Variants in PI15 observed in about 807,000 individuals in gnomAD.
PI15 encodes 25 kDa trypsin inhibitor.
PI15 carries 18 observed loss-of-function variants against 31.0 expected under a neutral mutation model. The ratio of observed to expected loss-of-function variants is 0.58; its 90% CI spans 0.40 to 0.86. The LOEUF (loss-of-function observed/expected upper bound fraction) is 0.86, where lower values mean the gene tolerates loss of function less well. Among genes scored for constraint, PI15 ranks in the 40% least tolerant of loss-of-function variants. The pLI, the probability that PI15 is intolerant of heterozygous loss-of-function variation, is 0.00. For missense variants in PI15, 282 were observed against 328.1 expected (o/e 0.86, Z 1.09); for synonymous variants, 118 against 119.1 (o/e 0.99, Z 0.06).
In PI15 at chr8:74,852,683, T is replaced by C. The variant is rs566627241; in HGVS notation, c.*3430T>C. 3.4e-4 allele frequency: 52 copies of C among 152,260 alleles called. No individual in the cohort carries two copies. Among genetic ancestry groups the C allele is most frequent in the African/African-American group, 1.1e-3 (44 of 41,584 alleles). The allele number at this position is 152,260 out of a possible 1,614,324, so 9.4% of individuals were successfully genotyped here. A position where few individuals can be genotyped will look rare whatever the true frequency, so the allele number is the denominator to read the frequency against. ...AACAATAGAAATTTTTCTCATAATATATACCTATGTGAAACCAACTTATCT... is the reference window on the plus strand; with the variant it reads ...AACAATAGAAATTTTTCTCATAATACATACCTATGTGAAACCAACTTATCT... On this transcript the variant is annotated 3_prime_UTR_variant, in exon 6 of 6. Coordinates refer to ENST00000260113, the MANE Select transcript of PI15 (RefSeq NM_015886.5).
At chr8:74,838,330 A>AT (rs1328950358) in intron 2 of PI15, among the ~76,000 whole-genome samples, 1 of 152,090 alleles carries the variant, frequency 6.6e-6, no homozygotes, top group Non-Finnish European at 1.5e-5. Flanking sequence ...GTAATAGGGC[A>AT]TTTTTGTAAC....
chr8:74,845,292 C>T (rs1811009631), intron 4 of PI15, 32 bp downstream of exon 4: 1 of 1,606,472 alleles, frequency 6.2e-7, no homozygotes, highest in Non-Finnish European at 8.5e-7. Flanking sequence ...ATTTTTGATT[C>T]ATACTTTTAA....
intron 2 of PI15, among the ~76,000 whole-genome samples, chr8:74,833,173 T>C (rs1810812544): frequency 6.6e-6 from 1 of 152,098 alleles, no homozygotes; most frequent in African/African-American, 2.4e-5. Flanking sequence ...TGAAAACAAT[T>C]AAACACATGT....
Position 74,845,252 on chromosome 8 carries a change from T to C in PI15, c.517T>C (p.Tyr173His), listed in dbSNP as rs773153359. The C allele has an allele frequency of 6.2e-7, 1 of 1,613,640 alleles. No homozygotes were observed. The highest frequency in any genetic ancestry group is 8.5e-7 in the Non-Finnish European group (1 of 1,179,512). ...ATGTTTTGGTCCCATGTGCACACAT[T>C]ATACGCAGGTTATTTCAATTACCTT... ...MRCFGPMCTH[Y>H]TQMVWATSNR... Residue 173 changes from tyrosine to histidine, a missense_variant, in exon 4 of 6, where the codon TAT becomes CAT. Tyr to His is a moderately conservative substitution (Grantham distance 83). Coordinates refer to ENST00000260113, the MANE Select transcript of PI15 (RefSeq NM_015886.5).
chr8:74,838,112 A>G lies in PI15; in HGVS notation c.274-5869A>G, dbSNP rs1333595789. 2.0e-5 allele frequency among the ~76,000 whole-genome samples: 3 copies of G among 152,022 alleles called. No homozygotes were observed. The East Asian group carries it at 5.8e-4, about 29-fold the overall frequency. On this transcript the variant is annotated intron_variant, in intron 2 of 5. Transcript: ENST00000260113. Reference sequence around the variant, plus strand: ...TTTGATTTTCTTGTTTAGTATTTCAATTGATTTATTGATAATAATACTTTC... The same window carrying G: ...TTTGATTTTCTTGTTTAGTATTTCAGTTGATTTATTGATAATAATACTTTC...
intron 2 of PI15, among the ~76,000 whole-genome samples, chr8:74,842,879 C>T (rs1360259189): frequency 6.6e-6 from 1 of 152,054 alleles, no homozygotes; most frequent in Non-Finnish European, 1.5e-5. Context: ...TTAATTGAAC[C>T]ATGAAGTACT....
At chr8:74,837,097 A>G (rs1810883232) in intron 2 of PI15, among the ~76,000 whole-genome samples, 1 of 152,184 alleles carries the variant, frequency 6.6e-6, no homozygotes, top group South Asian at 2.1e-4. Context: ...AATTTACATG[A>G]AAGATAATAC....
Position 74,845,429 on chromosome 8 carries a change from C to A in PI15, c.573C>A (p.Cys191Ter). The A allele has an allele frequency of 6.2e-7, 1 of 1,613,992 alleles. No homozygotes were observed. The highest frequency in any genetic ancestry group is 8.5e-7 in the Non-Finnish European group (1 of 1,179,940). The change falls in exon 5 of 6, where the codon TGC becomes TGA. Residue 191 changes from cysteine to a stop codon, truncating the protein, a stop_gained. Transcript: ENST00000260113. LOFTEE classifies it high-confidence loss of function. ...GGATAGGATGCGCAATTCATACTTGCCAAAACATGAATGTTTGGGGATCTG... is the reference window on the plus strand; with the variant it reads ...GGATAGGATGCGCAATTCATACTTGACAAAACATGAATGTTTGGGGATCTG... ...SNRIGCAIHTCQNMNVWGSVW... is the reference protein window; with the variant it reads ...SNRIGCAIHT
In PI15 at chr8:74,843,974, C is replaced by T. The variant is rs147070878; in HGVS notation, c.274-7C>T. 3,508 of 1,417,406 alleles carry T rather than the reference C, an allele frequency of 2.5e-3. 8 individuals are homozygous for T. Among genetic ancestry groups the T allele is most frequent in the Non-Finnish European group, 3.2e-3 (3,171 of 1,000,646 alleles). The allele number at this position is 1,417,406 out of a possible 1,614,324, so 87.8% of individuals were successfully genotyped here. ...TCCGTAACGCTGAAGATTTTTTTCC[C>T]CTACAGGTTTGGGATGAAAATCTTG... On this transcript the variant is annotated splice_region_variant and splice_polypyrimidine_tract_variant and intron_variant, in intron 2 of 5. Coordinates refer to ENST00000260113, the MANE Select transcript of PI15 (RefSeq NM_015886.5).
intron 5 of PI15, among the ~76,000 whole-genome samples, chr8:74,848,732 T>TATAGAG (rs1191072583): frequency 8.3e-4 from 113 of 136,348 alleles, no homozygotes; most frequent in African/African-American, 2.9e-3. Flanking sequence ...TATATATATA[T>TATAGAG]AGAGAGAGAG....
chr8:74,849,059 T>C (rs982637330), intron 5 of PI15, 59 bp from the exon 6 acceptor site: 2 of 1,505,880 alleles, frequency 1.3e-6, no homozygotes, highest in Non-Finnish European at 1.8e-6. Context: ...TTAAGGACAA[T>C]CTACTTTTAA....
chr8:74,845,132 C>A lies in PI15; in HGVS notation c.397C>A (p.Arg133Ser), dbSNP rs201327456. Residue 133 changes from arginine (R) to serine (S), a missense_variant, in exon 4 of 6, where the codon CGC (arginine) becomes AGC (serine). Transcript: ENST00000260113. ...CTTTCTTTTCTTTATATGCAGATAT[C>A]GCTCTATTCTCCAGTTGGTCAAGCC... ...QNLSVRTGRY[R>S]SILQLVKPWY... 1 of 1,611,788 alleles carries A rather than the reference C, an allele frequency of 6.2e-7. No individual in the cohort carries two copies. Among genetic ancestry groups the A allele is most frequent in the Non-Finnish European group, 8.5e-7 (1 of 1,177,948 alleles).
At chr8:74,836,757 C>A (rs1810878297) in intron 2 of PI15, among the ~76,000 whole-genome samples, 1 of 151,976 alleles carries the variant, frequency 6.6e-6, no homozygotes, top group Non-Finnish European at 1.5e-5. Context: ...GCTGATAGAC[C>A]AAGGAAGGTG....
chr8:74,849,165 C>G lies in PI15; in HGVS notation c.689C>G (p.Ser230Ter). ...EAPYKVGVPC[S>*]SCPPSYGGSC... is the part of the protein sequence containing the mutation. Reference sequence around the variant, plus strand: ...CCATATAAAGTAGGGGTACCATGTTCATCTTGTCCTCCAAGTTATGGGGGA... The same window carrying G: ...CCATATAAAGTAGGGGTACCATGTTGATCTTGTCCTCCAAGTTATGGGGGA... Residue 230 changes from serine (S) to a stop codon, truncating the protein, a stop_gained, in exon 6 of 6, where the codon TCA becomes TGA. Transcript: ENST00000260113. LOFTEE classifies it high-confidence loss of function. 1 of 1,612,420 alleles carries G rather than the reference C, an allele frequency of 6.2e-7. No homozygotes were observed. The highest frequency in any genetic ancestry group is 8.5e-7 in the Non-Finnish European group (1 of 1,178,610).
chr8:74,834,474 TC>T (rs1810833497), intron 2 of PI15, among the ~76,000 whole-genome samples: 1 of 151,732 alleles, frequency 6.6e-6, no homozygotes, highest in African/African-American at 2.4e-5. Context: ...CTTCTTAGCC[TC>T]AAGACCCTTT....
In PI15 at chr8:74,850,269, T is replaced by C. The variant is rs746150299; in HGVS notation, c.*1016T>C. ...CAAATGCCAAGATTTCTGGAGCAGATTGTACAGCTGTGACTTTGGAAAACA... is the reference window on the plus strand; with the variant it reads ...CAAATGCCAAGATTTCTGGAGCAGACTGTACAGCTGTGACTTTGGAAAACA... On this transcript the variant is annotated 3_prime_UTR_variant, in exon 6 of 6. Coordinates refer to ENST00000260113, the MANE Select transcript of PI15 (RefSeq NM_015886.5). The C allele has an allele frequency of 1.3e-5, 2 of 152,210 alleles. No homozygotes were observed. Among genetic ancestry groups the C allele is most frequent in the Non-Finnish European group, 2.9e-5 (2 of 68,036 alleles). 9.4% of individuals were successfully genotyped at this position (152,210 alleles called of 1,614,324 possible). A position where few individuals can be genotyped will look rare whatever the true frequency, so the allele number is the denominator to read the frequency against.
chr8:74,825,606 A>C, intron 2 of PI15, 84 bp downstream of exon 2: 1 of 1,131,482 alleles, frequency 8.8e-7, no homozygotes, highest in South Asian at 1.5e-5. Flanking sequence ...AACGACCACG[A>C]GTGTTTATAT....
At chr8:74,846,561 A>G (rs1811030030) in intron 5 of PI15, among the ~76,000 whole-genome samples, 1 of 152,186 alleles carries the variant, frequency 6.6e-6, no homozygotes, top group Non-Finnish European at 1.5e-5. Flanking sequence ...TTTGGCCCAT[A>G]GTTATAATTT....
chr8:74,832,205 C>T (rs542984190), intron 2 of PI15, among the ~76,000 whole-genome samples: 7 of 152,068 alleles, frequency 4.6e-5, no homozygotes, highest in South Asian at 2.1e-4. Context: ...GATGAGGCAG[C>T]CAAGGAGGAT....
Sources: gnomAD v4.1 joint callset for allele counts (sites outside exome capture counted in the v4.1 genomes callset) on GRCh38, gnomAD v4.1.1 for gene constraint, MANE v1.5 for transcripts, NCBI Gene and HGNC (gene_info 2026-07-23, HGNC 2026-07-21) for gene names.